MUC12: variants seen among roughly 807,000 people sequenced by gnomAD.
MUC12 encodes the protein mucin-12.
In MUC12, 172 loss-of-function variants were observed where a neutral mutation model predicts 230.8. That is an observed-to-expected ratio of 0.75 (90% confidence interval 0.66 to 0.85). The LOEUF (loss-of-function observed/expected upper bound fraction) is 0.85, where lower values mean the gene tolerates loss of function less well. Ranked by LOEUF, MUC12 falls within the 40% of genes least tolerant of loss-of-function variation. The probability of loss-of-function intolerance (pLI) is 0.00; values close to 1 mark genes in which losing one functional copy is unlikely to be tolerated. For synonymous variants in MUC12, 1,259 were observed against 2,401.9 expected (o/e 0.52, Z 13.91); for missense variants, 3,506 against 5,920.6 (o/e 0.59, Z 13.38).
chr7:100,990,668 T>C lies in MUC12; in HGVS notation c.105T>C (p.Thr35=), dbSNP rs1192191454. The C allele has an allele frequency of 8.5e-6, 13 of 1,537,524 alleles. No individual in the cohort carries two copies. In the Admixed American group the frequency reaches 2.6e-4, roughly 30 times the overall value. The change falls in exon 2 of 12, where the codon ACT becomes ACC. Residue 35 remains threonine (T), a synonymous_variant. Transcript: ENST00000536621. Reference sequence around the variant, plus strand: ...ACACCAGTATTGGAGGTAATACAACTTCTGCATCCACACCCAGTTCAAGCG... The same window carrying C: ...ACACCAGTATTGGAGGTAATACAACCTCTGCATCCACACCCAGTTCAAGCG... ...TVNTSIGGNT[T]SASTPSSSDP...
chr7:100,991,317 G>A lies in MUC12; in HGVS notation c.754G>A (p.Val252Ile), dbSNP rs779592163. 176 of 1,537,242 alleles carry A rather than the reference G, an allele frequency of 1.1e-4. 1 individual carries two copies. In the Admixed American group the frequency reaches 1.5e-3, roughly 13 times the overall value. Residue 252 changes from valine to isoleucine, a missense_variant, in exon 2 of 12, where the codon GTC (valine) becomes ATC (isoleucine). By Grantham distance (29) the Val-to-Ile change is conservative. Transcript: ENST00000536621. ...AGGCCTCCTTGAAGCATCTACGCCC[G>A]TCCACAGCAGCACTGGATCGCCACA... ...TSGLLEASTP[V>I]HSSTGSPHTT...
chr7:100,985,133 T>C (rs1793168964), intron 1 of MUC12, among the ~76,000 whole-genome samples: 1 of 152,288 alleles, frequency 6.6e-6, no homozygotes, highest in East Asian at 1.9e-4. Flanking sequence ...GTGCTGGGAT[T>C]ACAAGCATGA....
At chr7:100,969,804 GCTGCCAC>G in intron 1 of MUC12, 115 bp downstream of exon 1, 1 of 1,435,980 alleles carries the variant, frequency 7.0e-7, no homozygotes, top group Non-Finnish European at 9.4e-7. Context: ...ATGGCAAGGG[GCTGCCAC>G]AGGGCTGGAG....
rs373715397 is a variant in MUC12, at chr7:101,005,442, A to T, written c.14879A>T (p.Glu4960Val). ...ASSSTSGLTE[E>V]STTFHTSPSF... ...TCCAGCACATCAGGCCTCACTGAGG[A>T]ATCTACCACCTTCCACACCAGTCCA... Residue 4960 changes from glutamate (E) to valine (V), a missense_variant, in exon 2 of 12, where the codon GAA becomes GTA. Glu to Val is a moderately radical substitution (Grantham distance 121). Coordinates refer to ENST00000536621, the MANE Select transcript of MUC12 (RefSeq NM_001164462.2). 4 of 1,537,770 alleles carry T rather than the reference A, an allele frequency of 2.6e-6. No homozygotes were observed. The African/African-American group carries it at 4.1e-5, about 16-fold the overall frequency.
At position 100,995,892 on chromosome 7, in the gene MUC12, G is replaced by T. The variant is rs1187355480; in HGVS notation, c.5329G>T (p.Gly1777Cys). 13 of 1,409,418 alleles carry T rather than the reference G, an allele frequency of 9.2e-6. No homozygotes were observed. Among genetic ancestry groups the T allele is most frequent in the East Asian group, 5.1e-5 (2 of 39,408 alleles). The allele number at this position is 1,409,418 out of a possible 1,614,324, so 87.3% of individuals were successfully genotyped here. Residue 1777 changes from glycine (G) to cysteine (C), a missense_variant, in exon 2 of 12, where the codon GGC becomes TGC. Coordinates refer to ENST00000536621, the MANE Select transcript of MUC12 (RefSeq NM_001164462.2). ...EESTAYHSSP[G>C]STQTMHFPES... ...ATCTACGGCGTACCACAGCAGCCCG[G>T]GCTCAACTCAAACAATGCACTTCCC...
chr7:101,005,957 C>T (rs1793742465), intron 2 of MUC12, among the ~76,000 whole-genome samples: 1 of 152,076 alleles, frequency 6.6e-6, no homozygotes, highest in Non-Finnish European at 1.5e-5. Flanking sequence ...ACCACCATGC[C>T]TACCTAATTT....
chr7:100,983,780 C>T (rs960777888), intron 1 of MUC12, among the ~76,000 whole-genome samples: 10 of 152,134 alleles, frequency 6.6e-5, no homozygotes, highest in African/African-American at 9.7e-5. Context: ...TAACCATAAA[C>T]GTCCTTTATA....
At chr7:101,017,377 G>A (rs1332609073) in intron 10 of MUC12, 198 bp from the exon 11 acceptor site, 2 of 553,296 alleles carry the variant, frequency 3.6e-6, no homozygotes, top group East Asian at 3.0e-5. Context: ...CTGTTCCGGG[G>A]TCCAGCGGGC....
chr7:101,017,598 T>A lies in MUC12; in HGVS notation c.15901T>A (p.Phe5301Ile), dbSNP rs1482740157. ...WEDQNLRESR[F>I]GLENAYNNFR... ...AGACCAGAATCTGAGGGAGAGCAGATTCGGCCTTGAGAACGCCTACAACAA... is the reference window on the plus strand; with the variant it reads ...AGACCAGAATCTGAGGGAGAGCAGAATCGGCCTTGAGAACGCCTACAACAA... Residue 5301 changes from phenylalanine (F) to isoleucine (I), a missense_variant, in exon 11 of 12, where the codon TTC (phenylalanine) becomes ATC (isoleucine). Transcript: ENST00000536621. The A allele has an allele frequency of 1.3e-6, 2 of 1,535,770 alleles. No individual in the cohort carries two copies. Among genetic ancestry groups the A allele is most frequent in the African/African-American group, 2.7e-5 (2 of 72,852 alleles).
At chr7:101,012,668 A>G (rs1793854964) in intron 6 of MUC12, 151 bp from the exon 7 acceptor site, 1 of 997,666 alleles carries the variant, frequency 1.0e-6, no homozygotes, top group Non-Finnish European at 1.5e-6. Context: ...GAGCCTCCTC[A>G]CAAGCCCAGC....
intron 8 of MUC12, 62 bp from the exon 9 acceptor site, chr7:101,013,851 C>T: frequency 6.7e-7 from 1 of 1,481,824 alleles, no homozygotes; most frequent in Non-Finnish European, 9.0e-7. Flanking sequence ...AGTGGGTTAA[C>T]CCTTGGGATA....
intron 11 of MUC12, 27 bp downstream of exon 11, chr7:101,017,690 C>T: frequency 6.7e-7 from 1 of 1,495,502 alleles, no homozygotes; most frequent in Non-Finnish European, 9.0e-7. Context: ...CTGCCCCCAC[C>T]CCCTGAGGCT....
chr7:100,982,908 A>T (rs955423120), intron 1 of MUC12, among the ~76,000 whole-genome samples: 3 of 151,456 alleles, frequency 2.0e-5, no homozygotes, highest in Admixed American at 2.0e-4. Flanking sequence ...AATATTTAAA[A>T]TTTTTTTGTA....
In MUC12 at chr7:100,969,645, C is replaced by T. The variant is rs865781298; in HGVS notation, c.23C>T (p.Thr8Met). The T allele has an allele frequency of 7.4e-5, 113 of 1,537,264 alleles. No homozygotes were observed. The highest frequency in any genetic ancestry group is 3.3e-4 in the African/African-American group (24 of 73,078). ...GAGATGCTGGTGATCTGGATTCTGA[C>T]GCTGGCTCTCCGGCTCTGCGCGTCC... MLVIWIL[T>M]LALRLCASVT... Residue 8 changes from threonine (T) to methionine (M), a missense_variant, in exon 1 of 12, where the codon ACG becomes ATG. Transcript: ENST00000536621.
At chr7:100,969,750 C>A (rs1792810955) in intron 1 of MUC12, 61 bp downstream of exon 1, 8 of 1,533,272 alleles carry the variant, frequency 5.2e-6, no homozygotes, top group South Asian at 2.4e-5. Context: ...AGTACATGCC[C>A]CTGCCTCAGG....
chr7:101,017,320 C>T (rs1413823963), intron 10 of MUC12: 3 of 455,840 alleles, frequency 6.6e-6, no homozygotes, highest in Non-Finnish European at 1.2e-5. Context: ...CCTCCGTGGC[C>T]CCCGCTTCCA....
Position 101,004,324 on chromosome 7 carries a change from A to G in MUC12, c.13761A>G (p.Thr4587=). The change falls in exon 2 of 12, where the codon ACA becomes ACG. Residue 4587 remains threonine (T), a synonymous_variant. Coordinates refer to ENST00000536621, the MANE Select transcript of MUC12 (RefSeq NM_001164462.2). ...GCAGCCCAGTTGCAACTGCAACAACACCCTCGCCTGCCCGCTCCACAACCT... is the reference window on the plus strand; with the variant it reads ...GCAGCCCAGTTGCAACTGCAACAACGCCCTCGCCTGCCCGCTCCACAACCT... ...VHSSPVATAT[T]PSPARSTTSG... is the part of the protein sequence containing the mutation. 1 of 1,190,932 alleles carries G rather than the reference A, an allele frequency of 8.4e-7. No homozygotes were observed. Among genetic ancestry groups the G allele is most frequent in the South Asian group, 1.5e-5 (1 of 67,386 alleles). The allele number at this position is 1,190,932 out of a possible 1,614,324, so 73.8% of individuals were successfully genotyped here.
chr7:101,009,684 A>AG, intron 5 of MUC12, among the ~76,000 whole-genome samples: 1 of 152,306 alleles, frequency 6.6e-6, no homozygotes, highest in South Asian at 2.1e-4. Flanking sequence ...AGAAAAAAAA[A>AG]TGTAACAGCA....
At position 100,991,056 on chromosome 7, in the gene MUC12, T is replaced by C. The variant is rs758624293; in HGVS notation, c.493T>C (p.Ser165Pro). 5.2e-6 allele frequency: 8 copies of C among 1,537,116 alleles called. No individual in the cohort carries two copies. In the East Asian group the frequency reaches 1.2e-4, roughly 23 times the overall value. The change falls in exon 2 of 12, where the codon TCA (serine) becomes CCA (proline). Residue 165 changes from serine (S) to proline (P), a missense_variant. Coordinates refer to ENST00000536621, the MANE Select transcript of MUC12 (RefSeq NM_001164462.2). ...GACAAGCTCAGGCGTCAGTGAAAAA[T>C]CAACCACCTCCCACAGCCGACCAGG... ...RTTSSGVSEK[S>P]TTSHSRPGPT... is the part of the protein sequence containing the mutation.
Sources: allele counts gnomAD v4.1 joint callset (sites outside exome capture counted in the v4.1 genomes callset), GRCh38; gene constraint gnomAD v4.1.1; transcripts MANE v1.5; gene names NCBI Gene and HGNC (gene_info 2026-07-23, HGNC 2026-07-21).